Variants in SDHD observed in about 807,000 individuals in gnomAD.
The protein encoded by SDHD is succinate dehydrogenase [ubiquinone] cytochrome b small subunit, mitochondrial.
SDHD carries 6 observed loss-of-function variants against 18.7 expected under a neutral mutation model. That is an observed-to-expected ratio of 0.32 (90% CI 0.18 to 0.63). The LOEUF (loss-of-function observed/expected upper bound fraction) is 0.63, where lower values mean the gene tolerates loss of function less well. Ranked by LOEUF, SDHD falls within the 30% of genes least tolerant of loss-of-function variation. SDHD has a pLI of 0.79. For synonymous variants in SDHD, 56 were observed against 73.9 expected, an observed-to-expected ratio of 0.76 and a Z score of 1.24; for missense variants, 160 against 192.7, an observed-to-expected ratio of 0.83 and a Z score of 1.00.
At chr11:112,088,728 G>C (rs1865679231) in intron 2 of SDHD, 139 bp from the exon 3 acceptor site, 1 of 948,340 alleles carries the variant, frequency 1.1e-6, no homozygotes, top group Admixed American at 1.9e-5. Flanking sequence ...CTACTATTTT[G>C]ATATTTTACT....
At chr11:112,093,264 C>T (rs1865781896) in intron 3 of SDHD, 1 of 256,984 alleles carries the variant, frequency 3.9e-6, no homozygotes. Context: ...TGGGGTTTCT[C>T]CTTGTTGGTC....
rs1244454907 is a variant in SDHD at position 112,094,992 on chromosome 11, A to G, written c.*22A>G. On this transcript the variant is annotated 3_prime_UTR_variant, in exon 4 of 4. Transcript: ENST00000375549. ...CTGACCTTTTTGACTTCATACTTTG[A>G]AGAATTGATGTATGCCTCTTTGCCT... is the stretch of plus-strand genomic sequence containing the variant. The G allele has an allele frequency of 2.5e-6, 4 of 1,608,170 alleles. No homozygotes were observed. Among genetic ancestry groups the G allele is most frequent in the Non-Finnish European group, 3.4e-6 (4 of 1,176,632 alleles).
intron 1 of SDHD, among the ~76,000 whole-genome samples, chr11:112,087,438 T>C (rs1865636311): frequency 6.6e-6 from 1 of 152,194 alleles, no homozygotes; most frequent in South Asian, 2.1e-4. Context: ...GAAAACGTAG[T>C]TCCCGCCCTC....
chr11:112,090,542 C>T (rs1411801797), intron 3 of SDHD, among the ~76,000 whole-genome samples: 1 of 152,052 alleles, frequency 6.6e-6, no homozygotes, highest in East Asian at 1.9e-4. Flanking sequence ...AATATGTTGT[C>T]ATTGTGGGGG....
chr11:112,090,035 C>A (rs1227062706), intron 3 of SDHD, among the ~76,000 whole-genome samples: 2 of 152,060 alleles, frequency 1.3e-5, no homozygotes, highest in African/African-American at 4.8e-5. Context: ...GAACTACTCT[C>A]TGGTACGTGA....
At chr11:112,091,758 T>G (rs1303207610) in intron 3 of SDHD, among the ~76,000 whole-genome samples, 1 of 152,118 alleles carries the variant, frequency 6.6e-6, no homozygotes, top group Non-Finnish European at 1.5e-5. Flanking sequence ...TTCCATCAGT[T>G]CTGTTCTTTC....
intron 1 of SDHD, among the ~76,000 whole-genome samples, chr11:112,087,629 G>C (rs2074639019): frequency 2.0e-5 from 3 of 152,226 alleles, no homozygotes; most frequent in Admixed American, 1.3e-4. Context: ...AGATTACTGA[G>C]TTAGGTTAAA....
intron 2 of SDHD, chr11:112,088,391 G>A: frequency 3.0e-6 from 1 of 335,790 alleles, no homozygotes; most frequent in Non-Finnish European, 5.8e-6. Flanking sequence ...GTAGAGACGG[G>A]TTTCACCGTG....
chr11:112,090,334 C>T (rs1447738659), intron 3 of SDHD, among the ~76,000 whole-genome samples: 1 of 134,954 alleles, frequency 7.4e-6, no homozygotes, highest in Non-Finnish European at 1.7e-5. Flanking sequence ...TGGTCTGGAA[C>T]TCCTGACCTC....
chr11:112,090,694 A>AT (rs1175203388), intron 3 of SDHD, among the ~76,000 whole-genome samples: 27 of 147,952 alleles, frequency 1.8e-4, no homozygotes, highest in East Asian at 1.8e-3. Context: ...AGTGTTAAAG[A>AT]TTTTTTTTTT....
At position 112,095,629 on chromosome 11, in the gene SDHD, C is replaced by G. The variant is rs1168186343; in HGVS notation, c.*659C>G. 1 of 227,022 alleles carries G rather than the reference C, an allele frequency of 4.4e-6. No homozygotes were observed. Among genetic ancestry groups the G allele is most frequent in the Non-Finnish European group, 8.7e-6 (1 of 114,624 alleles). The allele number at this position is 227,022 out of a possible 1,614,324, so 14.1% of individuals were successfully genotyped here. A position where few individuals can be genotyped will look rare whatever the true frequency, so the allele number is the denominator to read the frequency against. On this transcript the variant is annotated 3_prime_UTR_variant, in exon 4 of 4. Transcript: ENST00000375549. The stretch of plus-strand genomic sequence containing the variant: ...CCAACTGTAAATTGAGATTTAATTC[C>G]CAAATGTATTCTACTTGTTCTAAAA...
At chr11:112,090,568 C>T (rs573663942) in intron 3 of SDHD, among the ~76,000 whole-genome samples, 1 of 152,194 alleles carries the variant, frequency 6.6e-6, no homozygotes, top group East Asian at 1.9e-4. Flanking sequence ...GAGCCACTTT[C>T]GGATTGTTGA....
At chr11:112,089,109 C>G (rs1865697230) in intron 3 of SDHD, 98 bp downstream of exon 3, 1 of 1,359,558 alleles carries the variant, frequency 7.4e-7, no homozygotes. Flanking sequence ...TTGAAATGCC[C>G]TAAATTTGTT....
At chr11:112,087,588 G>A (rs1009361834) in intron 1 of SDHD, among the ~76,000 whole-genome samples, 1 of 152,180 alleles carries the variant, frequency 6.6e-6, no homozygotes, top group African/African-American at 2.4e-5. Flanking sequence ...TTTGGCGATT[G>A]AATTTAGGGG....
chr11:112,093,337 A>ACTG, intron 3 of SDHD: 1 of 194,224 alleles, frequency 5.1e-6, no homozygotes, highest in Non-Finnish European at 1.1e-5. Context: ...AAGTGCTGGG[A>ACTG]TTACAGGTGT....
intron 3 of SDHD, among the ~76,000 whole-genome samples, chr11:112,091,345 C>A (rs73568088): frequency 0.11 from 16,176 of 152,146 alleles, 2,538 homozygotes; most frequent in African/African-American, 0.34. Flanking sequence ...AAGTCTCAGC[C>A]GCCTTCAACT....
intron 2 of SDHD, chr11:112,088,398 C>T (rs557839336): frequency 4.9e-4 from 163 of 334,298 alleles, no homozygotes; most frequent in African/African-American, 3.2e-3. Flanking sequence ...CGGGTTTCAC[C>T]GTGTTGGCCG....
Position 112,095,780 on chromosome 11 carries a change from TC to T in SDHD, c.*811del, listed in dbSNP as rs763123482. The T allele has an allele frequency of 6.9e-5, 14 of 203,586 alleles. No individual in the cohort carries two copies. The highest frequency in any genetic ancestry group is 3.3e-3 in the Middle Eastern group (2 of 600). The allele number at this position is 203,586 out of a possible 1,614,324, so 12.6% of individuals were successfully genotyped here. A position where few individuals can be genotyped will look rare whatever the true frequency, so the allele number is the denominator to read the frequency against. On this transcript the variant is annotated 3_prime_UTR_variant, in exon 4 of 4. Coordinates refer to ENST00000375549, the MANE Select transcript of SDHD (RefSeq NM_003002.4). ...AATAAAATGTTATATAATAAAAGTG[TC>T]TTCTATGCTTTTATATATTAGCTAT... is the stretch of plus-strand genomic sequence containing the variant.
intron 1 of SDHD, 110 bp downstream of exon 1, chr11:112,087,069 C>T: frequency 1.6e-6 from 2 of 1,240,976 alleles, no homozygotes; most frequent in South Asian, 1.2e-5. Flanking sequence ...GAAGAAAATA[C>T]CGAAATCACA....
Sources: gnomAD v4.1 joint callset for allele counts (sites outside exome capture counted in the v4.1 genomes callset) on GRCh38, gnomAD v4.1.1 for gene constraint, MANE v1.5 for transcripts, NCBI Gene and HGNC (gene_info 2026-07-23, HGNC 2026-07-21) for gene names.